The following TMEM132D variants were observed in gnomAD, a reference collection of about 807,000 sequenced individuals.
TMEM132D encodes transmembrane protein 132D.
TMEM132D carries 21 observed loss-of-function variants against 62.3 expected under a neutral mutation model. The observed-to-expected ratio is 0.34, with a 90% confidence interval of 0.24 to 0.49. TMEM132D has a LOEUF of 0.49. TMEM132D is among the 20% of genes least tolerant of loss of function. The pLI is 0.99. For missense variants in TMEM132D, 1,346 were observed against 1,402.8 expected (o/e 0.96, Z 0.65); for synonymous variants, 621 against 575.6 (o/e 1.08, Z -1.13).
rs781558381 is a variant in TMEM132D, at chr12:129,073,855, A to T, written c.*20T>A. The T allele has an allele frequency of 1.3e-6, 2 of 1,514,826 alleles. No individual in the cohort carries two copies. 93.8% of individuals were successfully genotyped at this position (1,514,826 alleles called of 1,614,324 possible). ...AAAGGCTGAAAGGTGAGTGAGAACCAATGTCTGTGTGTGTCTGGCTTACAC... is the reference window on the plus strand; with the variant it reads ...AAAGGCTGAAAGGTGAGTGAGAACCTATGTCTGTGTGTGTCTGGCTTACAC... On this transcript the variant is annotated 3_prime_UTR_variant, in exon 9 of 9. Transcript: ENST00000422113.
intron 4 of TMEM132D, among the ~76,000 whole-genome samples, chr12:129,332,058 A>C (rs1241164897): frequency 6.6e-6 from 1 of 152,190 alleles, no homozygotes; most frequent in African/African-American, 2.4e-5. Context: ...TAAAATATAA[A>C]AATTAGCTGG....
rs539231278 is a variant in TMEM132D, at chr12:129,785,101, C to T, written c.80-84403G>A. 1.5e-3 allele frequency among the ~76,000 whole-genome samples: 224 copies of T among 152,292 alleles called. 5 individuals are homozygous for T. The South Asian group carries it at 0.046, about 31-fold the overall frequency. On this transcript the variant is annotated intron_variant, in intron 1 of 8. Coordinates refer to ENST00000422113, the MANE Select transcript of TMEM132D (RefSeq NM_133448.3). ...ATATTAAAATTCAACTTTCTTAATTCCCTTGCACCAGCTGGGATCAGTGGG... is the reference window on the plus strand; with the variant it reads ...ATATTAAAATTCAACTTTCTTAATTTCCTTGCACCAGCTGGGATCAGTGGG...
chr12:129,654,510 T>C (rs1445825304), intron 2 of TMEM132D, among the ~76,000 whole-genome samples: 1 of 152,194 alleles, frequency 6.6e-6, no homozygotes, highest in African/African-American at 2.4e-5. Flanking sequence ...TAATAACCAA[T>C]TTTATGCCTT....
intron 1 of TMEM132D, among the ~76,000 whole-genome samples, chr12:129,705,525 C>T (rs1313573216): frequency 1.3e-5 from 2 of 152,150 alleles, no homozygotes; most frequent in Non-Finnish European, 2.9e-5. Context: ...GATGTTCTAA[C>T]TGAACAATTA....
At chr12:129,699,440 T>C (rs1881318206) in intron 2 of TMEM132D, among the ~76,000 whole-genome samples, 1 of 152,230 alleles carries the variant, frequency 6.6e-6, no homozygotes, top group Non-Finnish European at 1.5e-5. Context: ...TGCCATTTCA[T>C]TTGCAGTCTC....
intron 2 of TMEM132D, among the ~76,000 whole-genome samples, chr12:129,622,336 T>G (rs1190530355): frequency 6.6e-6 from 1 of 152,118 alleles, no homozygotes; most frequent in Non-Finnish European, 1.5e-5. Context: ...TGGGCGCGTA[T>G]GGGGCAGTCA....
At chr12:129,405,204 G>C (rs1393796044) in intron 3 of TMEM132D, among the ~76,000 whole-genome samples, 1 of 152,132 alleles carries the variant, frequency 6.6e-6, no homozygotes, top group South Asian at 2.1e-4. Flanking sequence ...TGCTGATTTG[G>C]CTCCTGGTGA....
chr12:129,250,853 A>C (rs1813184166), intron 4 of TMEM132D, among the ~76,000 whole-genome samples: 1 of 152,186 alleles, frequency 6.6e-6, no homozygotes, highest in African/African-American at 2.4e-5. Flanking sequence ...AAATCATACT[A>C]TTTCCATGCC....
At chr12:129,813,005 G>A (rs760373672) in intron 1 of TMEM132D, among the ~76,000 whole-genome samples, 1 of 151,734 alleles carries the variant, frequency 6.6e-6, no homozygotes, top group Non-Finnish European at 1.5e-5. Context: ...CATTTATCCC[G>A]ACTCCTGCGC....
At chr12:129,267,163 T>C (rs1047119548) in intron 4 of TMEM132D, among the ~76,000 whole-genome samples, 2 of 149,826 alleles carry the variant, frequency 1.3e-5, no homozygotes, top group South Asian at 4.2e-4. Context: ...CTGGTCCCTG[T>C]TGAGGGTTTT....
intron 3 of TMEM132D, among the ~76,000 whole-genome samples, chr12:129,455,298 TACAG>T (rs1873431828): frequency 6.6e-6 from 1 of 152,230 alleles, no homozygotes; most frequent in Non-Finnish European, 1.5e-5. Flanking sequence ...GTCCATCATG[TACAG>T]GCTTTGCATC....
At chr12:129,405,710 C>A (rs1871764342) in intron 3 of TMEM132D, among the ~76,000 whole-genome samples, 1 of 152,104 alleles carries the variant, frequency 6.6e-6, no homozygotes, top group Non-Finnish European at 1.5e-5. Flanking sequence ...CTTCAAAGAC[C>A]TCCAGATTTC....
At chr12:129,603,619 A>G (rs1387118510) in intron 2 of TMEM132D, among the ~76,000 whole-genome samples, 3 of 152,228 alleles carry the variant, frequency 2.0e-5, no homozygotes, top group African/African-American at 7.2e-5. Flanking sequence ...CCACAATGAG[A>G]TACTATCTCA....
At chr12:129,240,209 T>A (rs1294294974) in intron 4 of TMEM132D, among the ~76,000 whole-genome samples, 2 of 152,238 alleles carry the variant, frequency 1.3e-5, no homozygotes. Flanking sequence ...TACAGGGCCC[T>A]TTTAACATAT....
intron 3 of TMEM132D, among the ~76,000 whole-genome samples, chr12:129,464,395 C>T (rs964486120): frequency 2.0e-5 from 3 of 152,138 alleles, no homozygotes; most frequent in Non-Finnish European, 2.9e-5. Context: ...GAGTAGGTTG[C>T]AAAAATTTTC....
chr12:129,630,900 CTT>C (rs1342966926), intron 2 of TMEM132D, among the ~76,000 whole-genome samples: 1 of 152,052 alleles, frequency 6.6e-6, no homozygotes, highest in Non-Finnish European at 1.5e-5. Context: ...CGTTCCCCCT[CTT>C]TGTGTCCATG....
chr12:129,322,553 G>A (rs1401497843), intron 4 of TMEM132D, among the ~76,000 whole-genome samples: 3 of 144,704 alleles, frequency 2.1e-5, no homozygotes, highest in Non-Finnish European at 4.6e-5. Context: ...TGGTTGAATT[G>A]CATGTTTATT....
chr12:129,724,502 A>T (rs1013904816), intron 1 of TMEM132D, among the ~76,000 whole-genome samples: 1 of 151,898 alleles, frequency 6.6e-6, no homozygotes, highest in Non-Finnish European at 1.5e-5. Flanking sequence ...CATTTGTGCT[A>T]TTTTTTTGTT....
chr12:129,188,337 G>A (rs913057777), intron 5 of TMEM132D, among the ~76,000 whole-genome samples: 5 of 152,174 alleles, frequency 3.3e-5, no homozygotes, highest in Admixed American at 2.6e-4. Context: ...AGCCACCAAC[G>A]TATGCATGAG....
Sources: allele counts gnomAD v4.1 joint callset (sites outside exome capture counted in the v4.1 genomes callset), GRCh38; gene constraint gnomAD v4.1.1; transcripts MANE v1.5; gene names NCBI Gene and HGNC (gene_info 2026-07-23, HGNC 2026-07-21).